Variants in RALGAPA1 observed in about 807,000 individuals in gnomAD.
RALGAPA1 encodes the protein ral GTPase-activating protein subunit alpha-1.
Under a neutral mutation model 269.6 loss-of-function variants are expected in RALGAPA1, and 52 were observed. The observed-to-expected ratio is 0.19, with a 90% CI of 0.15 to 0.24. RALGAPA1 has a LOEUF of 0.24. RALGAPA1 is among the 10% of genes least tolerant of loss of function. The pLI is 1.00. For missense variants in RALGAPA1, 1,917 were observed against 3,013.9 expected, an observed-to-expected ratio of 0.64 and a Z score of 8.52; for synonymous variants, 817 against 1,008.3, an observed-to-expected ratio of 0.81 and a Z score of 3.60.
chr14:35,655,693 T>C (rs2063132514), intron 29 of RALGAPA1, 114 bp downstream of exon 29: 2 of 1,379,566 alleles, frequency 1.4e-6, no homozygotes, highest in Non-Finnish European at 1.9e-6. Flanking sequence ...AATAATAGAA[T>C]AATAAAGTAA....
chr14:35,621,038 A>G (rs1377053111), intron 35 of RALGAPA1, among the ~76,000 whole-genome samples: 1 of 152,238 alleles, frequency 6.6e-6, no homozygotes, highest in African/African-American at 2.4e-5. Flanking sequence ...GAACCAAAAA[A>G]GAGCCCACAT....
chr14:35,578,624 T>C (rs1168472899), intron 37 of RALGAPA1, among the ~76,000 whole-genome samples: 1 of 152,246 alleles, frequency 6.6e-6, no homozygotes, highest in Non-Finnish European at 1.5e-5. Context: ...AGAGTGGGCA[T>C]TCAATAAATA....
rs1484097581 is a variant in RALGAPA1 at position 35,683,216 on chromosome 14, T to C, written c.4471+593A>G. ...AATCACTTCACTAACATTGCAATAA[T>C]GTGACTCTGCATTTAACATGATTGA... On this transcript the variant is annotated intron_variant, in intron 21 of 41. Coordinates refer to ENST00000680220, the MANE Select transcript of RALGAPA1 (RefSeq NM_001346249.2). Among the ~76,000 whole-genome samples, 3 of 152,198 alleles carry C rather than the reference T, an allele frequency of 2.0e-5. No homozygotes were observed. The East Asian group carries it at 5.8e-4, about 29-fold the overall frequency.
chr14:35,578,198 C>T (rs2057704871), intron 37 of RALGAPA1, among the ~76,000 whole-genome samples: 1 of 152,074 alleles, frequency 6.6e-6, no homozygotes, highest in South Asian at 2.1e-4. Context: ...AATAACCATA[C>T]AATAAATAAA....
At chr14:35,563,199 TAC>T (rs2139334572) in intron 39 of RALGAPA1, among the ~76,000 whole-genome samples, 1 of 152,164 alleles carries the variant, frequency 6.6e-6, no homozygotes, top group South Asian at 2.1e-4. Context: ...TGCTAATATA[TAC>T]ACACACAGTA....
intron 1 of RALGAPA1, among the ~76,000 whole-genome samples, chr14:35,778,726 C>G (rs1011104975): frequency 7.9e-5 from 12 of 152,164 alleles, no homozygotes; most frequent in African/African-American, 2.9e-4. Context: ...AATAGAACTG[C>G]CTCCTCTTGA....
At chr14:35,724,569 A>G (rs2069718998) in intron 14 of RALGAPA1, among the ~76,000 whole-genome samples, 1 of 152,222 alleles carries the variant, frequency 6.6e-6, no homozygotes, top group Non-Finnish European at 1.5e-5. Context: ...ATTAAAAAAA[A>G]GCATGATAAG....
chr14:35,698,741 G>A (rs989194609), intron 17 of RALGAPA1, among the ~76,000 whole-genome samples: 3 of 152,106 alleles, frequency 2.0e-5, no homozygotes, highest in African/African-American at 4.8e-5. Context: ...TCTTTTAGCT[G>A]TATCTAATTC....
intron 4 of RALGAPA1, among the ~76,000 whole-genome samples, chr14:35,763,586 TA>T (rs1198274216): frequency 1.3e-5 from 2 of 152,168 alleles, no homozygotes; most frequent in Non-Finnish European, 2.9e-5. Context: ...TATCTATACT[TA>T]TCTATGTAGC....
At chr14:35,761,365 T>C (rs1334208794) in intron 5 of RALGAPA1, among the ~76,000 whole-genome samples, 1 of 152,112 alleles carries the variant, frequency 6.6e-6, no homozygotes, top group Non-Finnish European at 1.5e-5. Flanking sequence ...GAGAGAGCAA[T>C]GACTGTTAGT....
At chr14:35,699,664 C>CT (rs761105520) in intron 17 of RALGAPA1, among the ~76,000 whole-genome samples, 22 of 151,872 alleles carry the variant, frequency 1.4e-4, no homozygotes, top group Non-Finnish European at 2.9e-4. Context: ...TCCAAAGCAA[C>CT]TTTTAGATTA....
intron 31 of RALGAPA1, among the ~76,000 whole-genome samples, chr14:35,640,046 G>A (rs2061922340): frequency 6.6e-6 from 1 of 151,898 alleles, no homozygotes; most frequent in Non-Finnish European, 1.5e-5. Context: ...AATGATAATG[G>A]AAACACAACA....
At chr14:35,759,413 CATG>C (rs1423804267) in intron 6 of RALGAPA1, among the ~76,000 whole-genome samples, 1 of 152,120 alleles carries the variant, frequency 6.6e-6, no homozygotes, top group Non-Finnish European at 1.5e-5. Context: ...GGTAAAGTTA[CATG>C]AGATCATGTG....
chr14:35,592,037 T>A (rs965440557), intron 37 of RALGAPA1, among the ~76,000 whole-genome samples: 2 of 152,222 alleles, frequency 1.3e-5, no homozygotes, highest in East Asian at 3.8e-4. Flanking sequence ...TGTGGAACTG[T>A]GAGTCAATTA....
At chr14:35,554,611 G>A (rs2055408797) in intron 39 of RALGAPA1, among the ~76,000 whole-genome samples, 1 of 152,056 alleles carries the variant, frequency 6.6e-6, no homozygotes, top group South Asian at 2.1e-4. Flanking sequence ...CTCCCAAAGT[G>A]CTGGGATTAC....
intron 7 of RALGAPA1, among the ~76,000 whole-genome samples, chr14:35,755,194 A>T (rs2073062194): frequency 6.6e-6 from 1 of 152,064 alleles, no homozygotes; most frequent in Non-Finnish European, 1.5e-5. Context: ...TCTAACAAAA[A>T]AAAAAAAAGT....
chr14:35,736,835 A>C (rs1156850297), intron 12 of RALGAPA1, among the ~76,000 whole-genome samples: 1 of 152,192 alleles, frequency 6.6e-6, no homozygotes, highest in African/African-American at 2.4e-5. Context: ...CAGGGGTTTA[A>C]GACCAGCCTG....
At chr14:35,617,412 G>A (rs2060319253) in intron 35 of RALGAPA1, among the ~76,000 whole-genome samples, 1 of 152,178 alleles carries the variant, frequency 6.6e-6, no homozygotes, top group African/African-American at 2.4e-5. Context: ...GAGGTCAGGA[G>A]TTCGAGACCA....
intron 36 of RALGAPA1, among the ~76,000 whole-genome samples, chr14:35,599,949 T>A (rs2059173037): frequency 6.6e-6 from 1 of 152,184 alleles, no homozygotes; most frequent in African/African-American, 2.4e-5. Context: ...TAAATTATGA[T>A]GTGTGTTACT....
Sources: allele counts gnomAD v4.1 joint callset (sites outside exome capture counted in the v4.1 genomes callset), GRCh38; gene constraint gnomAD v4.1.1; transcripts MANE v1.5; gene names NCBI Gene and HGNC (gene_info 2026-07-23, HGNC 2026-07-21).